Variants in RANBP2 observed in about 807,000 individuals in gnomAD.
RANBP2 encodes E3 SUMO-protein ligase RanBP2.
RANBP2 carries 57 observed loss-of-function variants against 303.6 expected under a neutral mutation model. The observed-to-expected ratio is 0.19, with a 90% CI of 0.15 to 0.23. RANBP2 has a LOEUF of 0.23. Ranked by LOEUF, RANBP2 falls within the 10% of genes least tolerant of loss-of-function variation. The probability of loss-of-function intolerance (pLI) is 1.00; values close to 1 mark genes in which losing one functional copy is unlikely to be tolerated. For synonymous variants in RANBP2, 1,167 were observed against 1,301.5 expected (o/e 0.90, Z 2.23); for missense variants, 3,138 against 3,780.8 (o/e 0.83, Z 4.46).
At chr2:108,832,469 T>A in the RANBP2 span, among the ~76,000 whole-genome samples, 6 of 150,002 alleles carry the variant, frequency 4.0e-5, no homozygotes, top group Admixed American at 4.0e-4. Context: ...TGCCTCGGCC[T>A]CCCAAGTAGC....
chr2:109,008,870 G>A, the RANBP2 span, among the ~76,000 whole-genome samples: 1 of 149,916 alleles, frequency 6.7e-6, no homozygotes, highest in Admixed American at 6.7e-5. Flanking sequence ...CTGCACTCCA[G>A]CCTGGGTGAC....
At chr2:109,542,941 G>A in the RANBP2 span, 5 of 152,444 alleles carry the variant, frequency 3.3e-5, no homozygotes, top group African/African-American at 9.7e-5. Flanking sequence ...TTAAATGAAC[G>A]TTTTTAAAAT....
At chr2:109,105,337 C>T in the RANBP2 span, among the ~76,000 whole-genome samples, 1 of 152,162 alleles carries the variant, frequency 6.6e-6, no homozygotes, top group Non-Finnish European at 1.5e-5. Flanking sequence ...ACACATTGCA[C>T]ATACGGCCCT....
chr2:109,139,834 G>A, the RANBP2 span, among the ~76,000 whole-genome samples: 1 of 152,182 alleles, frequency 6.6e-6, no homozygotes, highest in Non-Finnish European at 1.5e-5. Flanking sequence ...AAAGACCAAT[G>A]TGTCCATTGC....
chr2:109,266,275 A>G, the RANBP2 span, among the ~76,000 whole-genome samples: 1 of 144,820 alleles, frequency 6.9e-6, no homozygotes, highest in South Asian at 2.2e-4. Flanking sequence ...TGCATGTGTT[A>G]TTTGCATGTT....
the RANBP2 span, chr2:109,419,593 G>T: frequency 6.3e-7 from 1 of 1,597,326 alleles, no homozygotes; most frequent in Non-Finnish European, 8.5e-7. Flanking sequence ...GGCTGCCTCG[G>T]TGTCTGGAGA....
At chr2:108,815,461 G>GTTTTT in the RANBP2 span, among the ~76,000 whole-genome samples, 148 of 70,742 alleles carry the variant, frequency 2.1e-3, 2 homozygotes, top group East Asian at 3.8e-3. Flanking sequence ...GGTTTTTGGT[G>GTTTTT]TTTTTTTTTT....
chr2:109,642,631 C>G, the RANBP2 span, among the ~76,000 whole-genome samples: 1 of 146,666 alleles, frequency 6.8e-6, no homozygotes, highest in Non-Finnish European at 1.5e-5. Context: ...CACCTGTAGG[C>G]AACAGAGCAA....
At chr2:108,897,602 C>G in the RANBP2 span, among the ~76,000 whole-genome samples, 2 of 152,102 alleles carry the variant, frequency 1.3e-5, no homozygotes, top group African/African-American at 4.8e-5. Context: ...AGGAGGGGTT[C>G]AAAGGGACAG....
chr2:109,549,898 G>A, the RANBP2 span, among the ~76,000 whole-genome samples: 1 of 152,110 alleles, frequency 6.6e-6, no homozygotes, highest in Non-Finnish European at 1.5e-5. Flanking sequence ...TTTTCAGACC[G>A]TAGTTGACCA....
chr2:108,906,162 G>A, the RANBP2 span: 3 of 780,176 alleles, frequency 3.8e-6, no homozygotes, highest in Admixed American at 2.1e-5. Context: ...ACCTGAAATA[G>A]TTTCCAGCGG....
chr2:109,037,802 A>G, the RANBP2 span, among the ~76,000 whole-genome samples: 4 of 152,252 alleles, frequency 2.6e-5, no homozygotes, highest in African/African-American at 9.6e-5. Context: ...AAAGAAATAA[A>G]AGAGGATTTA....
At chr2:109,417,244 T>A in the RANBP2 span, among the ~76,000 whole-genome samples, 1 of 152,136 alleles carries the variant, frequency 6.6e-6, no homozygotes, top group Non-Finnish European at 1.5e-5. Context: ...CTCCCTCCCT[T>A]GGGGTGTCTC....
Position 108,763,950 on chromosome 2 carries a change from A to C in RANBP2, c.3411A>C (p.Pro1137=), listed in dbSNP as rs76461420. The C allele has an allele frequency of 0.01, 16,441 of 1,614,010 alleles. 103 individuals carry two copies. Among genetic ancestry groups the C allele is most frequent in the Non-Finnish European group, 0.012 (14,613 of 1,179,968 alleles). Residue 1137 remains proline (P), a synonymous_variant, in exon 20 of 29, where the codon CCA becomes CCC. Coordinates refer to ENST00000283195, the MANE Select transcript of RANBP2 (RefSeq NM_006267.5). ...ATGATATGTTTACTTTCCATGGTCC[A>C]GGGAAATCAGTATTTGGAACACCCA... ...RSDDMFTFHG[P]GKSVFGTPTL... is the part of the protein sequence containing the mutation.
intron 20 of RANBP2, chr2:108,769,181 T>A (rs1370111771): frequency 1.0e-6 from 1 of 969,848 alleles, no homozygotes; most frequent in African/African-American, 1.8e-5. Flanking sequence ...AATTGAGGGA[T>A]TCTGGCTTTT....
At chr2:109,116,836 T>A in the RANBP2 span, among the ~76,000 whole-genome samples, 1 of 150,716 alleles carries the variant, frequency 6.6e-6, no homozygotes, top group East Asian at 2.2e-4. Context: ...TGTTTGTTAG[T>A]TTTCCTTTTA....
At chr2:109,037,267 T>C in the RANBP2 span, among the ~76,000 whole-genome samples, 12 of 141,932 alleles carry the variant, frequency 8.5e-5, no homozygotes, top group Non-Finnish European at 1.3e-4. Context: ...AGGGCTGCAG[T>C]GAACCATAAT....
At chr2:108,914,815 C>T in the RANBP2 span, among the ~76,000 whole-genome samples, 1 of 152,236 alleles carries the variant, frequency 6.6e-6, no homozygotes, top group Non-Finnish European at 1.5e-5. Flanking sequence ...AATCAAGGTA[C>T]CTCCCCAGCC....
chr2:108,879,714 G>T, the RANBP2 span, among the ~76,000 whole-genome samples: 1 of 152,038 alleles, frequency 6.6e-6, no homozygotes, highest in Admixed American at 6.5e-5. Context: ...AAAGAAATGG[G>T]GTTAGGGAGA....
Sources: allele counts gnomAD v4.1 joint callset (sites outside exome capture counted in the v4.1 genomes callset), GRCh38; gene constraint gnomAD v4.1.1; transcripts MANE v1.5; gene names NCBI Gene and HGNC (gene_info 2026-07-23, HGNC 2026-07-21).